Variants in ARSA observed in about 807,000 individuals in gnomAD.
ARSA encodes the protein arylsulfatase A.
In ARSA, 32 loss-of-function variants were observed where a neutral mutation model predicts 37.8. That is an observed-to-expected ratio of 0.85 (90% CI 0.64 to 1.14). The LOEUF (loss-of-function observed/expected upper bound fraction) is 1.14. Among genes scored for constraint, ARSA ranks in the 50% most tolerant of loss-of-function variants. ARSA has a pLI of 0.00. For missense variants in ARSA, 685 were observed against 686.3 expected (o/e 1.00, Z 0.02); for synonymous variants, 303 against 303.4 (o/e 1.00, Z 0.01).
rs74315271 is a variant in ARSA at position 50,627,004 on chromosome 22, C to A, written c.514G>T (p.Gly172Cys). The change falls in exon 3 of 8, where the codon GGT becomes TGT. Residue 172 changes from glycine to cysteine, a missense_variant. Gly to Cys is a radical substitution (Grantham distance 159). Coordinates refer to ENST00000216124, the MANE Select transcript of ARSA (RefSeq NM_000487.6). ...GGGACCAGGCCCTGGTCACAGCCAC[C>A]GTCGCAAGGAGTGGCCGGCGGGAAG... ...TCFPPATPCD[G>C]GCDQGLVPIP... 2.5e-6 allele frequency: 4 copies of A among 1,611,486 alleles called. No homozygotes were observed. In the East Asian group the frequency reaches 8.9e-5, roughly 36 times the overall value.
Position 50,626,909 on chromosome 22 carries a change from G to A in ARSA, c.609C>T (p.Tyr203=). Reference sequence around the variant, plus strand: ...CCATGAGGTCATGGGCGAAAGCCATGTAGCGGGCCTCTAGTCCGGGCAGCC... The same window carrying A: ...CCATGAGGTCATGGGCGAAAGCCATATAGCGGGCCTCTAGTCCGGGCAGCC... ...PPWLPGLEAR[Y]MAFAHDLMAD... Residue 203 remains tyrosine, a synonymous_variant, in exon 3 of 8, where the codon TAC becomes TAT. Coordinates refer to ENST00000216124, the MANE Select transcript of ARSA (RefSeq NM_000487.6). 6.2e-7 allele frequency: 1 copy of A among 1,613,390 alleles called. No homozygotes were observed. Among genetic ancestry groups the A allele is most frequent in the South Asian group, 1.1e-5 (1 of 91,078 alleles).
In ARSA at chr22:50,625,965, G is replaced by C; in HGVS notation, c.1078C>G (p.Leu360Val). 6.4e-7 allele frequency: 1 copy of C among 1,573,996 alleles called. No individual in the cohort carries two copies. The highest frequency in any genetic ancestry group is 8.6e-7 in the Non-Finnish European group (1 of 1,160,368). Residue 360 changes from leucine to valine, a missense_variant, in exon 6 of 8, where the codon CTC (leucine) becomes GTC (valine). By Grantham distance (32) the Leu-to-Val change is conservative (BLOSUM62 1). Transcript: ENST00000216124. ...LPNVTLDGFDLSPLLLGTGKS... is the reference protein window; with the variant it reads ...LPNVTLDGFDVSPLLLGTGKS... Reference sequence around the variant, plus strand: ...CCTGTGCCCAGCAGCAGGGGGCTGAGGTCAAAGCCATCCAAGGTGACATTG... The same window carrying C: ...CCTGTGCCCAGCAGCAGGGGGCTGACGTCAAAGCCATCCAAGGTGACATTG...
intron 4 of ARSA, 53 bp from the exon 5 acceptor site, chr22:50,626,331 G>A (rs1039055872): frequency 3.8e-6 from 6 of 1,598,306 alleles, no homozygotes; most frequent in East Asian, 2.2e-5. Context: ...CTGAGCCACC[G>A]AGGGTGACCA....
In ARSA at chr22:50,623,091, C is replaced by A. The variant is rs1024422201; in HGVS notation, c.*2054G>T. 6.6e-6 allele frequency: 1 copy of A among 152,230 alleles called. No individual in the cohort carries two copies. 9.4% of individuals were successfully genotyped at this position (152,230 alleles called of 1,614,324 possible). On this transcript the variant is annotated 3_prime_UTR_variant, in exon 8 of 8. Transcript: ENST00000216124. ...TGGTAGCAACGAACGGTGTCTGCCA[C>A]GGGGAGGTGTCTGAACGCCCGGAAG...
At chr22:50,626,501 A>G in intron 4 of ARSA, 90 bp downstream of exon 4, 1 of 1,582,406 alleles carries the variant, frequency 6.3e-7, no homozygotes, top group Non-Finnish European at 8.6e-7. Context: ...CCCCTCACCC[A>G]CTATGTTCTT....
rs1184775418 is a variant in ARSA, at chr22:50,626,269, G to C, written c.864C>G (p.Thr288=). The C allele has an allele frequency of 7.4e-6, 12 of 1,612,870 alleles. No homozygotes were observed. Among genetic ancestry groups the C allele is most frequent in the Non-Finnish European group, 1.0e-5 (12 of 1,179,926 alleles). The part of the protein sequence containing the change: ...VIFTADNGPE[T]MRMSRGGCSG... ...AGCAGCCGCCTCGGGACATACGCAT[G>C]GTCTCAGGTCTGGGACACAGGAGGC... is the stretch of plus-strand genomic sequence containing the variant. The change falls in exon 5 of 8, where the codon ACC becomes ACG. Residue 288 remains threonine, a synonymous_variant. Transcript: ENST00000216124.
chr22:50,627,790 G>T lies in ARSA; in HGVS notation c.-11C>A. On this transcript the variant is annotated 5_prime_UTR_variant, in exon 1 of 8. Transcript: ENST00000216124. ...TGCCCCCATGGACATGGGACCGAGG[G>T]GTCTGTCCCAAGAGAGGGAGGGCTA... is the stretch of plus-strand genomic sequence containing the variant. The T allele has an allele frequency of 9.1e-6, 14 of 1,540,116 alleles. No homozygotes were observed. The highest frequency in any genetic ancestry group is 1.2e-5 in the Non-Finnish European group (14 of 1,146,240).
intron 6 of ARSA, 74 bp from the exon 7 acceptor site, chr22:50,625,755 G>A (rs1173212620): frequency 1.9e-6 from 3 of 1,573,142 alleles, no homozygotes; most frequent in African/African-American, 2.7e-5. Context: ...GCCAGCCCTG[G>A]TGGGAGGCCC....
At position 50,625,256 on chromosome 22, in the gene ARSA, G is replaced by C. The variant is rs1436902786; in HGVS notation, c.1419C>G (p.Thr473=). The C allele has an allele frequency of 6.2e-7, 1 of 1,612,254 alleles. No individual in the cohort carries two copies. Among genetic ancestry groups the C allele is most frequent in the Non-Finnish European group, 8.5e-7 (1 of 1,179,576 alleles). Residue 473 remains threonine, a synonymous_variant, in exon 8 of 8, where the codon ACC becomes ACG. Coordinates refer to ENST00000216124, the MANE Select transcript of ARSA (RefSeq NM_000487.6). ...LLKAQLDAAV[T]FGPSQVARGE... Reference sequence around the variant, plus strand: ...CCCGGGCCACCTGGCTGGGGCCGAAGGTCACAGCTGCGTCTAACTGGGCCT... The same window carrying C: ...CCCGGGCCACCTGGCTGGGGCCGAACGTCACAGCTGCGTCTAACTGGGCCT...
intron 7 of ARSA, 27 bp downstream of exon 7, chr22:50,625,552 G>T (rs1267261611): frequency 3.7e-6 from 6 of 1,611,314 alleles, no homozygotes; most frequent in Non-Finnish European, 3.4e-6. Flanking sequence ...AGCAGGTCGG[G>T]GGGAGGGATC....
At position 50,627,361 on chromosome 22, in the gene ARSA, G is replaced by A. The variant is rs780399417; in HGVS notation, c.270C>T (p.Tyr90=). 1.9e-6 allele frequency: 3 copies of A among 1,602,194 alleles called. No homozygotes were observed. The African/African-American group carries it at 4.0e-5, about 21-fold the overall frequency. Residue 90 remains tyrosine (Y), a synonymous_variant, in exon 2 of 8, where the codon TAC becomes TAT. Coordinates refer to ENST00000216124, the MANE Select transcript of ARSA (RefSeq NM_000487.6). ...TGRLPVRMGM[Y]PGVLVPSSRG... is the part of the protein sequence containing the mutation. ...GGGAGCTGGGCACCAGGACGCCAGG[G>A]TACATGCCCATCCGAACCGGGAGCC...
chr22:50,626,169 C>T lies in ARSA; in HGVS notation c.964G>A (p.Gly322Ser). Residue 322 changes from glycine (G) to serine (S), a missense_variant, in exon 5 of 8, where the codon GGT (glycine) becomes AGT (serine). Coordinates refer to ENST00000216124, the MANE Select transcript of ARSA (RefSeq NM_000487.6). ...GCGGACTGACCGGGAGCGATATGAC[C>T]TGGCCAGAAGGCCAAGGCAGGCTCT... The part of the protein sequence containing the change: ...VREPALAFWP[G>S]HIAPGVTHEL... 1.2e-6 allele frequency: 2 copies of T among 1,606,030 alleles called. No individual in the cohort carries two copies. The highest frequency in any genetic ancestry group is 1.3e-5 in the African/African-American group (1 of 75,024).
At position 50,627,217 on chromosome 22, in the gene ARSA, G is replaced by C. The variant is rs912206675; in HGVS notation, c.414C>G (p.Pro138=). The change falls in exon 2 of 8, where the codon CCC becomes CCG. Residue 138 remains proline (P), a synonymous_variant. Transcript: ENST00000216124. ...LGVGPEGAFL[P]PHQGFHRFLG... Reference sequence around the variant, plus strand: ...GAAATCGATGGAAGCCCTGATGGGGGGGCAGGAAGGCCCCCTCAGGCCCCA... The same window carrying C: ...GAAATCGATGGAAGCCCTGATGGGGCGGCAGGAAGGCCCCCTCAGGCCCCA... 10 of 1,612,002 alleles carry C rather than the reference G, an allele frequency of 6.2e-6. No individual in the cohort carries two copies. Among genetic ancestry groups the C allele is most frequent in the Non-Finnish European group, 8.5e-6 (10 of 1,179,388 alleles).
At chr22:50,625,789 A>G (rs1038256805) in intron 6 of ARSA, 108 bp from the exon 7 acceptor site, 4 of 1,549,584 alleles carry the variant, frequency 2.6e-6, no homozygotes, top group Non-Finnish European at 3.5e-6. Flanking sequence ...CTTCTTGCCC[A>G]CCCAGGAACC....
Position 50,625,337 on chromosome 22 carries a change from A to AC in ARSA, c.1337dup (p.Val447CysfsTer126), listed in dbSNP as rs750030142. The AC allele has an allele frequency of 6.2e-7, 1 of 1,611,776 alleles. No homozygotes were observed. Among genetic ancestry groups the AC allele is most frequent in the Non-Finnish European group, 8.5e-7 (1 of 1,179,236 alleles). ...GCACCTCTGGGGTGGCCCCGGCCAC[A>AC]CCCCCCAGCAGGTTGTAGTTCTCAC... On this transcript the variant is annotated frameshift_variant, in exon 8 of 8. Transcript: ENST00000216124. LOFTEE classifies it low-confidence loss of function (END_TRUNC).
chr22:50,625,323 G>A lies in ARSA; in HGVS notation c.1352C>T (p.Thr451Ile). Reference sequence around the variant, plus strand: ...TTTCAGGGCTTGCAGCACCTCTGGGGTGGCCCCGGCCACACCCCCCAGCAG... The same window carrying A: ...TTTCAGGGCTTGCAGCACCTCTGGGATGGCCCCGGCCACACCCCCCAGCAG... ...YNLLGGVAGA[T>I]PEVLQALKQL... Residue 451 changes from threonine to isoleucine, a missense_variant, in exon 8 of 8, where the codon ACC becomes ATC. Coordinates refer to ENST00000216124, the MANE Select transcript of ARSA (RefSeq NM_000487.6). The A allele has an allele frequency of 6.2e-7, 1 of 1,612,728 alleles. No homozygotes were observed. The highest frequency in any genetic ancestry group is 8.5e-7 in the Non-Finnish European group (1 of 1,179,732).
In ARSA at chr22:50,627,307, G is replaced by C; in HGVS notation, c.324C>G (p.Thr108=). 1.3e-6 allele frequency: 2 copies of C among 1,587,918 alleles called. No individual in the cohort carries two copies. The highest frequency in any genetic ancestry group is 4.6e-5 in the East Asian group (2 of 43,630). ...SRGGLPLEEV[T]VAEVLAARGY... is the part of the protein sequence containing the mutation. The stretch of plus-strand genomic sequence containing the variant: ...CTCGGGCAGCCAGGACTTCGGCCAC[G>C]GTCACCTCCTCCAGGGGCAGGCCCC... The change falls in exon 2 of 8, where the codon ACC becomes ACG. Residue 108 remains threonine, a synonymous_variant. Transcript: ENST00000216124.
chr22:50,626,564 G>C (rs769960314), intron 4 of ARSA, 27 bp downstream of exon 4: 36 of 1,609,950 alleles, frequency 2.2e-5, no homozygotes, highest in Non-Finnish European at 3.0e-5. Flanking sequence ...GACAGGGCCG[G>C]AGCACCCAGC....
chr22:50,623,813 C>T lies in ARSA; in HGVS notation c.*1332G>A, dbSNP rs1414375706. The T allele has an allele frequency of 1.3e-5, 2 of 149,514 alleles. No individual in the cohort carries two copies. Among genetic ancestry groups the T allele is most frequent in the African/African-American group, 4.9e-5 (2 of 40,422 alleles). The allele number at this position is 149,514 out of a possible 1,614,324, so 9.3% of individuals were successfully genotyped here. A position where few individuals can be genotyped will look rare whatever the true frequency, so the allele number is the denominator to read the frequency against. On this transcript the variant is annotated 3_prime_UTR_variant, in exon 8 of 8. Coordinates refer to ENST00000216124, the MANE Select transcript of ARSA (RefSeq NM_000487.6). ...ACTAGGGAGGCTGAGGCAGGAGAAT[C>T]CCTGGAACCCGGGAGGCGGAGGTTG... is the stretch of plus-strand genomic sequence containing the variant.
Sources: allele counts gnomAD v4.1 joint callset, GRCh38; gene constraint gnomAD v4.1.1; transcripts MANE v1.5; gene names NCBI Gene and HGNC (gene_info 2026-07-23, HGNC 2026-07-21).